POLA2: variants seen among roughly 807,000 people sequenced by gnomAD.
The protein encoded by POLA2 is DNA polymerase alpha 2, accessory subunit.
Under a neutral mutation model 82.8 loss-of-function variants are expected in POLA2, and 47 were observed. The ratio of observed to expected loss-of-function variants is 0.57; its 90% confidence interval spans 0.45 to 0.72. POLA2 has a LOEUF of 0.72. Ranked by LOEUF, POLA2 falls within the 30% of genes least tolerant of loss-of-function variation. The pLI is 0.00. For missense variants in POLA2, 634 were observed against 728.1 expected (o/e 0.87, Z 1.49); for synonymous variants, 287 against 286.8 (o/e 1.00, Z -0.01).
In POLA2 at chr11:65,281,054, A is replaced by C; in HGVS notation, c.807A>C (p.Ser269=). 1 of 1,614,158 alleles carries C rather than the reference A, an allele frequency of 6.2e-7. No homozygotes were observed. Among genetic ancestry groups the C allele is most frequent in the Non-Finnish European group, 8.5e-7 (1 of 1,180,018 alleles). Residue 269 remains serine, a synonymous_variant, in exon 8 of 18, where the codon TCA becomes TCC. Coordinates refer to ENST00000265465, the MANE Select transcript of POLA2 (RefSeq NM_002689.4). ...CDSNGKLNNK[S]VILEGDREHS... ...GCAACGGGAAGCTGAACAACAAGTC[A>C]GTGATTCTCGAGGGAGACCGGGAAC...
At chr11:65,299,513 C>T (rs768168190), downstream of POLA2, among the ~76,000 whole-genome samples, 3 of 152,188 alleles carry the variant, frequency 2.0e-5, no homozygotes, top group East Asian at 3.8e-4. Context: ...ATTAGGGCCT[C>T]GAGGGGCACC....
At position 65,297,528 on chromosome 11, in the gene POLA2, G is replaced by C. The variant is rs535865410; in HGVS notation, c.*259G>C. 1.4e-5 allele frequency: 5 copies of C among 350,738 alleles called. No homozygotes were observed. The Admixed American group carries it at 2.2e-4, about 15-fold the overall frequency. The allele number at this position is 350,738 out of a possible 1,614,324, so 21.7% of individuals were successfully genotyped here. ...CAGAAGTAAGCCAGCTGTGGATCCC[G>C]CCCACTCAGAAAAGGCGAGAAGGCT... is the stretch of plus-strand genomic sequence containing the variant. On this transcript the variant is annotated 3_prime_UTR_variant, in exon 18 of 18. Coordinates refer to ENST00000265465, the MANE Select transcript of POLA2 (RefSeq NM_002689.4).
chr11:65,295,814 AG>A, intron 16 of POLA2, 49 bp from the exon 17 acceptor site: 2 of 1,589,596 alleles, frequency 1.3e-6, no homozygotes, highest in Non-Finnish European at 1.7e-6. Context: ...CTGTCTGAGA[AG>A]GGGGCCCCCC....
chr11:65,272,906 C>T (rs1159531426), intron 4 of POLA2, among the ~76,000 whole-genome samples: 4 of 151,530 alleles, frequency 2.6e-5, no homozygotes, highest in Middle Eastern at 3.4e-3. Context: ...CCCAGCTACT[C>T]GGGAGGCTGA....
At chr11:65,285,340 A>C (rs554883849) in intron 10 of POLA2, among the ~76,000 whole-genome samples, 3 of 151,960 alleles carry the variant, frequency 2.0e-5, no homozygotes, top group Admixed American at 6.6e-5. Flanking sequence ...GGGAGGTAGA[A>C]GTTGCAGTGA....
At chr11:65,302,916 C>G (rs1369346304), downstream of POLA2, among the ~76,000 whole-genome samples, 1 of 151,892 alleles carries the variant, frequency 6.6e-6, no homozygotes, top group Non-Finnish European at 1.5e-5. Flanking sequence ...TTGATAGAGA[C>G]AGTTTCGCCA....
downstream of POLA2, among the ~76,000 whole-genome samples, chr11:65,302,346 C>T (rs1307138355): frequency 6.6e-6 from 1 of 152,196 alleles, no homozygotes; most frequent in Non-Finnish European, 1.5e-5. Context: ...GAGGAAGTGC[C>T]TTTCAGGGGT....
chr11:65,275,683 T>C (rs1317129377), intron 4 of POLA2, among the ~76,000 whole-genome samples: 6 of 152,210 alleles, frequency 3.9e-5, no homozygotes, highest in Non-Finnish European at 5.9e-5. Context: ...GCCTTCAAAA[T>C]AGGGACAGTG....
At position 65,262,357 on chromosome 11, in the gene POLA2, C is replaced by A. The variant is rs1199684211; in HGVS notation, c.65C>A (p.Ala22Asp). The A allele has an allele frequency of 6.2e-7, 1 of 1,613,328 alleles. No individual in the cohort carries two copies. Among genetic ancestry groups the A allele is most frequent in the Non-Finnish European group, 8.5e-7 (1 of 1,179,584 alleles). ...ATCTTCGGCCTAGACTGCGAGGAGG[C>A]TCTAATTGAGAAATGTGAGTCCCGC... The part of the protein sequence containing the change: ...LQIFGLDCEE[A>D]LIEKLVELCV... Residue 22 changes from alanine to aspartate, a missense_variant, in exon 1 of 18, where the codon GCT (alanine) becomes GAT (aspartate). Transcript: ENST00000265465.
downstream of POLA2, among the ~76,000 whole-genome samples, chr11:65,299,514 G>C (rs769669227): frequency 2.0e-5 from 3 of 152,158 alleles, no homozygotes; most frequent in African/African-American, 7.2e-5. Flanking sequence ...TTAGGGCCTC[G>C]AGGGGCACCC....
chr11:65,281,668 A>G lies in POLA2; in HGVS notation c.901-2A>G. 1 of 1,611,800 alleles carries G rather than the reference A, an allele frequency of 6.2e-7. No individual in the cohort carries two copies. Among genetic ancestry groups the G allele is most frequent in the Non-Finnish European group, 8.5e-7 (1 of 1,177,884 alleles). ...GCAATCCTGTTTGTTTTTGTCTTTC[A>G]GGTTGTAATTATGGAAGGAATCAAC... On this transcript the variant is annotated splice_acceptor_variant, in intron 8 of 17. Transcript: ENST00000265465. LOFTEE classifies it high-confidence loss of function.
At chr11:65,276,190 C>G in intron 5 of POLA2, among the ~76,000 whole-genome samples, 192 bp downstream of exon 5, 1 of 152,148 alleles carries the variant, frequency 6.6e-6, no homozygotes, top group Non-Finnish European at 1.5e-5. Context: ...ATTACTGTTT[C>G]TTACGGTAAT....
intron 12 of POLA2, 107 bp downstream of exon 12, chr11:65,289,195 C>A: frequency 1.2e-6 from 1 of 818,106 alleles, no homozygotes; most frequent in Non-Finnish European, 2.0e-6. Context: ...ACATTAAGTC[C>A]TGTGGCTAAT....
chr11:65,301,634 A>G (rs963941627), downstream of POLA2, among the ~76,000 whole-genome samples: 15 of 152,064 alleles, frequency 9.9e-5, no homozygotes, highest in Admixed American at 5.2e-4. Context: ...CATCCGCACC[A>G]TGGAGAGGAC....
At chr11:65,274,284 G>A (rs909828488) in intron 4 of POLA2, among the ~76,000 whole-genome samples, 6 of 151,608 alleles carry the variant, frequency 4.0e-5, no homozygotes, top group African/African-American at 1.5e-4. Flanking sequence ...CACGGGAGGT[G>A]GAGTTGCAGT....
chr11:65,285,490 T>C (rs1410028128), intron 10 of POLA2, among the ~76,000 whole-genome samples: 1 of 148,858 alleles, frequency 6.7e-6, no homozygotes, highest in East Asian at 2.0e-4. Flanking sequence ...ATCACTCTCC[T>C]GAGTCCAGGA....
chr11:65,286,234 C>CTGCAGGTGGGGCCATGAACCAGGGAA (rs1444937368), intron 10 of POLA2, among the ~76,000 whole-genome samples: 1 of 152,110 alleles, frequency 6.6e-6, no homozygotes, highest in Non-Finnish European at 1.5e-5. Flanking sequence ...GGCTTTGCCG[C>CTGCAGGTGGGGCCATGAACCAGGGAA]TGCAGGTGGG....
downstream of POLA2, among the ~76,000 whole-genome samples, chr11:65,303,342 CAAAA>C (rs917292541): frequency 1.4e-4 from 7 of 51,608 alleles, no homozygotes; most frequent in Non-Finnish European, 2.5e-4. Context: ...ACTCTGTCTC[CAAAA>C]AAAAAAAAAA....
chr11:65,288,995 C>T, intron 11 of POLA2, 55 bp from the exon 12 acceptor site: 1 of 1,536,982 alleles, frequency 6.5e-7, no homozygotes. Flanking sequence ...AAGTCATTCA[C>T]AGACACAAGT....
Sources: allele counts gnomAD v4.1 joint callset (sites outside exome capture counted in the v4.1 genomes callset), GRCh38; gene constraint gnomAD v4.1.1; transcripts MANE v1.5; gene names NCBI Gene and HGNC (gene_info 2026-07-23, HGNC 2026-07-21).